Variants in SULT1B1 observed in about 807,000 individuals in gnomAD.
The protein encoded by SULT1B1 is sulfotransferase family 1B member 1, also known as sulfotransferase 1B1.
SULT1B1 carries 28 observed loss-of-function variants against 34.6 expected under a neutral mutation model. The observed-to-expected ratio is 0.81, with a 90% CI of 0.60 to 1.11. SULT1B1 has a LOEUF of 1.11. SULT1B1 is among the 50% of genes least tolerant of loss of function. SULT1B1 has a pLI of 0.00. For missense variants in SULT1B1, 374 were observed against 352.2 expected, an observed-to-expected ratio of 1.06 and a Z score of -0.50; for synonymous variants, 147 against 110.2, an observed-to-expected ratio of 1.33 and a Z score of -2.09.
intron 4 of SULT1B1, among the ~76,000 whole-genome samples, chr4:69,736,487 A>T (rs187287471): frequency 8.5e-5 from 13 of 152,324 alleles, no homozygotes; most frequent in Admixed American, 7.9e-4. Context: ...ACTTCGTCTT[A>T]CATCTTGGAT....
At chr4:69,733,048 A>G (rs561595723) in intron 6 of SULT1B1, among the ~76,000 whole-genome samples, 2 of 152,272 alleles carry the variant, frequency 1.3e-5, no homozygotes, top group African/African-American at 4.8e-5. Context: ...TGTGAAAACA[A>G]TAAGCGTGGA....
Position 69,727,100 on chromosome 4 carries a change from G to C in SULT1B1, c.879C>G (p.Arg293=), listed in dbSNP as rs1717862855. The C allele has an allele frequency of 6.2e-7, 1 of 1,602,458 alleles. No individual in the cohort carries two copies. The highest frequency in any genetic ancestry group is 1.4e-5 in the African/African-American group (1 of 74,062). The change falls in exon 8 of 8, where the codon CGC becomes CGG. Residue 293 remains arginine, a synonymous_variant. Coordinates refer to ENST00000310613, the MANE Select transcript of SULT1B1 (RefSeq NM_014465.4). ...TEMSKTALQF[R]TEI is the part of the protein sequence containing the mutation. ...TGATTTAGACACTTTAAATCTCTGT[G>C]CGGAATTGAAGTGCAGTTTTGGACA...
intron 7 of SULT1B1, among the ~76,000 whole-genome samples, chr4:69,730,040 A>C (rs564668292): frequency 7.2e-5 from 11 of 152,216 alleles, no homozygotes; most frequent in Admixed American, 5.9e-4. Flanking sequence ...ATAAGGTCAA[A>C]TAGCAGTTTC....
Position 69,723,483 on chromosome 4 carries a change from C to T in SULT1B1, c.*3605G>A, listed in dbSNP as rs879242063. 1 of 152,326 alleles carries T rather than the reference C, an allele frequency of 6.6e-6. No homozygotes were observed. The highest frequency in any genetic ancestry group is 2.4e-5 in the African/African-American group (1 of 41,454). The allele number at this position is 152,326 out of a possible 1,614,324, so 9.4% of individuals were successfully genotyped here. A position where few individuals can be genotyped will look rare whatever the true frequency, so the allele number is the denominator to read the frequency against. ...TGGTACCATTCCTTCTGAAACTATTCCAATGAACAGAAAAGGAGGGAATCC... is the reference window on the plus strand; with the variant it reads ...TGGTACCATTCCTTCTGAAACTATTTCAATGAACAGAAAAGGAGGGAATCC... On this transcript the variant is annotated 3_prime_UTR_variant, in exon 8 of 8. Transcript: ENST00000310613.
At chr4:69,732,957 T>A (rs1718139647) in intron 6 of SULT1B1, among the ~76,000 whole-genome samples, 1 of 152,050 alleles carries the variant, frequency 6.6e-6, no homozygotes, top group East Asian at 1.9e-4. Context: ...GCATGTTAAA[T>A]TTAATACAAG....
intron 4 of SULT1B1, 74 bp from the exon 5 acceptor site, chr4:69,734,338 C>T (rs528301928): frequency 2.0e-4 from 295 of 1,493,898 alleles, no homozygotes; most frequent in Non-Finnish European, 2.2e-4. Context: ...TTAACCTATA[C>T]GCATGTAAAA....
chr4:69,755,318 A>T, intron 1 of SULT1B1, 57 bp from the exon 2 acceptor site: 2 of 1,342,420 alleles, frequency 1.5e-6, no homozygotes, highest in Non-Finnish European at 2.1e-6. Flanking sequence ...TGGTCTTAAG[A>T]CACTGCAATT....
rs181823689 is a variant in SULT1B1 at position 69,733,425 on chromosome 4, T to C, written c.585A>G (p.Glu195=). ...TCTACCATTTTACCTCTTTCATATC[T>C]TCATAGTACAAAAAAAGTATTGGGT... ...EEHPILFLYY[E]DMKENPKEEI... is the part of the protein sequence containing the mutation. The change falls in exon 6 of 8, where the codon GAA becomes GAG. Residue 195 remains glutamate, a synonymous_variant. Coordinates refer to ENST00000310613, the MANE Select transcript of SULT1B1 (RefSeq NM_014465.4). 5.8e-5 allele frequency: 93 copies of C among 1,601,998 alleles called. No individual in the cohort carries two copies. The East Asian group carries it at 1.8e-3, about 31-fold the overall frequency.
In SULT1B1 at chr4:69,749,763, C is replaced by T. The variant is rs140573139; in HGVS notation, c.333G>A (p.Pro111=). ...AGAAAGATTTAGGAAGAAGATCAGT[C>T]GGTAGATGTGTTTTCACAATCCGGG... ...PSPRIVKTHL[P]TDLLPKSFWE... Residue 111 remains proline, a synonymous_variant, in exon 4 of 8, where the codon CCG becomes CCA. Transcript: ENST00000310613. 4.7e-5 allele frequency: 76 copies of T among 1,613,574 alleles called. 1 individual carries two copies. Among genetic ancestry groups the T allele is most frequent in the Non-Finnish European group, 5.8e-5 (69 of 1,179,648 alleles).
intron 4 of SULT1B1, among the ~76,000 whole-genome samples, chr4:69,743,858 G>A (rs772983425): frequency 3.9e-5 from 6 of 152,198 alleles, no homozygotes; most frequent in Non-Finnish European, 5.9e-5. Flanking sequence ...CTCTGAGCCT[G>A]TGGGAACAAG....
At chr4:69,747,985 A>T (rs996730070) in intron 4 of SULT1B1, among the ~76,000 whole-genome samples, 12 of 151,812 alleles carry the variant, frequency 7.9e-5, no homozygotes, top group African/African-American at 2.7e-4. Flanking sequence ...GGTCTTTTTC[A>T]GGGGGAGAAG....
At chr4:69,730,346 T>C (rs947128977) in intron 7 of SULT1B1, among the ~76,000 whole-genome samples, 155 bp downstream of exon 7, 3 of 152,294 alleles carry the variant, frequency 2.0e-5, no homozygotes, top group South Asian at 4.1e-4. Flanking sequence ...TTGTTTCATT[T>C]AATAATTTTG....
rs762714787 is a variant in SULT1B1, at chr4:69,727,230, A to G, written c.779-30T>C. ...AGGTAAATAAAAAAACATAGGAAAG[A>G]ATAAAATATTTCCATAAGAAGAAAT... On this transcript the variant is annotated intron_variant, in intron 7 of 7. Coordinates refer to ENST00000310613, the MANE Select transcript of SULT1B1 (RefSeq NM_014465.4). 18 of 1,560,106 alleles carry G rather than the reference A, an allele frequency of 1.2e-5. No homozygotes were observed. In the South Asian group the frequency reaches 2.1e-4, roughly 18 times the overall value.
rs149429144 is a variant in SULT1B1 at position 69,750,601 on chromosome 4, C to G, written c.278-783G>C. Among the ~76,000 whole-genome samples the G allele has an allele frequency of 7.9e-3, 1,198 of 152,314 alleles. 8 individuals carry two copies. The highest frequency in any genetic ancestry group is 9.2e-3 in the Non-Finnish European group (623 of 68,004). On this transcript the variant is annotated intron_variant, in intron 3 of 7. Coordinates refer to ENST00000310613, the MANE Select transcript of SULT1B1 (RefSeq NM_014465.4). ...CCCACACAAAATTGCATCTGACTCA[C>G]TCATTGAAAACAATGCTTTGTTTTA... is the stretch of plus-strand genomic sequence containing the variant.
chr4:69,753,882 C>T (rs993050879), intron 3 of SULT1B1, among the ~76,000 whole-genome samples: 1 of 152,202 alleles, frequency 6.6e-6, no homozygotes, highest in Non-Finnish European at 1.5e-5. Context: ...AAGTCAGACA[C>T]TAAACTTTAA....
At chr4:69,754,483 A>G (rs975147664) in intron 3 of SULT1B1, among the ~76,000 whole-genome samples, 187 bp downstream of exon 3, 2 of 152,162 alleles carry the variant, frequency 1.3e-5, no homozygotes, top group African/African-American at 4.8e-5. Context: ...TTCATCTTTG[A>G]TATCATACCT....
chr4:69,745,728 T>G (rs1718723614), intron 4 of SULT1B1, among the ~76,000 whole-genome samples: 1 of 152,196 alleles, frequency 6.6e-6, no homozygotes, highest in African/African-American at 2.4e-5. Context: ...AAAATTCATA[T>G]GTGAAGATTT....
chr4:69,755,652 A>AT (rs547794035), intron 1 of SULT1B1, among the ~76,000 whole-genome samples: 49 of 152,154 alleles, frequency 3.2e-4, no homozygotes, highest in Non-Finnish European at 6.0e-4. Flanking sequence ...CTGACCTTTG[A>AT]TTTTCAGTTT....
chr4:69,730,615 C>T lies in SULT1B1; in HGVS notation c.664G>A (p.Asp222Asn). Residue 222 changes from aspartate (D) to asparagine (N), a missense_variant, in exon 7 of 8, where the codon GAT becomes AAT. Asp to Asn is a conservative substitution (Grantham distance 23, BLOSUM62 1). Coordinates refer to ENST00000310613, the MANE Select transcript of SULT1B1 (RefSeq NM_014465.4). ...AATGAGGTGTGATGGATGATCCTAT[C>T]CAAGATCTCATCATTCAGGTTCTTC... is the stretch of plus-strand genomic sequence containing the variant. ...LEKNLNDEILDRIIHHTSFEV... is the reference protein window; with the variant it reads ...LEKNLNDEILNRIIHHTSFEV... The T allele has an allele frequency of 6.2e-7, 1 of 1,613,264 alleles. No individual in the cohort carries two copies. Among genetic ancestry groups the T allele is most frequent in the South Asian group, 1.1e-5 (1 of 91,050 alleles).
Sources: allele counts gnomAD v4.1 joint callset (sites outside exome capture counted in the v4.1 genomes callset), GRCh38; gene constraint gnomAD v4.1.1; transcripts MANE v1.5; gene names NCBI Gene and HGNC (gene_info 2026-07-23, HGNC 2026-07-21).